PNPLA5: variants seen among roughly 807,000 people sequenced by gnomAD.
PNPLA5 encodes the protein patatin-like phospholipase domain-containing protein 5.
In PNPLA5, 44 loss-of-function variants were observed where a neutral mutation model predicts 49.1. The ratio of observed to expected loss-of-function variants is 0.90; its 90% CI spans 0.70 to 1.15. The LOEUF (loss-of-function observed/expected upper bound fraction) is 1.15, where lower values mean the gene tolerates loss of function less well. PNPLA5 is among the 50% of genes most tolerant of loss of function. The pLI is 0.00. For synonymous variants in PNPLA5, 243 were observed against 244.4 expected (o/e 0.99, Z 0.06); for missense variants, 603 against 564.0 (o/e 1.07, Z -0.70).
chr22:43,887,146 T>C (rs1169996081), intron 5 of PNPLA5, among the ~76,000 whole-genome samples: 1 of 152,098 alleles, frequency 6.6e-6, no homozygotes, highest in East Asian at 1.9e-4. Context: ...CTGTCCCTTC[T>C]CTCTTGTTTT....
chr22:43,880,986 T>C, intron 8 of PNPLA5, 101 bp from the exon 9 acceptor site: 1 of 1,247,812 alleles, frequency 8.0e-7, no homozygotes, highest in Non-Finnish European at 1.0e-6. Flanking sequence ...CAGGTCACTC[T>C]TCCCCCAAAT....
chr22:43,888,503 CG>C lies in PNPLA5; in HGVS notation c.702+825del, dbSNP rs1299582973. 5.0e-5 allele frequency among the ~76,000 whole-genome samples: 7 copies of C among 139,966 alleles called. 1 individual carries two copies. Among genetic ancestry groups the C allele is most frequent in the African/African-American group, 1.6e-4 (6 of 36,800 alleles). 91.8% of individuals were successfully genotyped at this position (139,966 alleles called of 152,430 possible). A position where few individuals can be genotyped will look rare whatever the true frequency, so the allele number is the denominator to read the frequency against. On this transcript the variant is annotated intron_variant, in intron 4 of 8. Transcript: ENST00000216177. ...AGGCTAGAGTGTAATGGCACTATCT[CG>C]GCTCACTGCAATCTCCACCTCCCAG...
chr22:43,885,527 C>A (rs1259018564), intron 6 of PNPLA5, among the ~76,000 whole-genome samples: 2 of 152,044 alleles, frequency 1.3e-5, no homozygotes, highest in African/African-American at 4.8e-5. Context: ...ACAGGGACCT[C>A]CTGGCTGTCC....
At chr22:43,880,968 A>C (rs945010245) in intron 8 of PNPLA5, 83 bp from the exon 9 acceptor site, 1 of 1,263,284 alleles carries the variant, frequency 7.9e-7, no homozygotes, top group Non-Finnish European at 1.0e-6. Context: ...GCGCAGCCAC[A>C]GTGAACCCAG....
In PNPLA5 at chr22:43,885,585, C is replaced by G. The variant is rs147165867; in HGVS notation, c.949+718G>C. Among the ~76,000 whole-genome samples the G allele has an allele frequency of 4.2e-3, 636 of 152,298 alleles. 3 individuals carry two copies. The highest frequency in any genetic ancestry group is 6.8e-3 in the Non-Finnish European group (466 of 68,030). ...CACGTGCCATGCCCTCTCCCCGATG[C>G]TCTTCTGCCTCTTGGCCTGGCCAAC... On this transcript the variant is annotated intron_variant, in intron 6 of 8. Transcript: ENST00000216177.
chr22:43,883,491 C>T (rs767080531), intron 7 of PNPLA5, among the ~76,000 whole-genome samples: 4 of 152,218 alleles, frequency 2.6e-5, no homozygotes, highest in Non-Finnish European at 1.5e-5. Flanking sequence ...TAACCACAGC[C>T]GGCCTGGCTT....
chr22:43,881,432 G>A, intron 8 of PNPLA5, 126 bp downstream of exon 8: 5 of 969,926 alleles, frequency 5.2e-6, no homozygotes, highest in Non-Finnish European at 6.1e-6. Flanking sequence ...GTAGGCCAGA[G>A]GGACGCAGGT....
Position 43,891,771 on chromosome 22 carries a change from C to T in PNPLA5, c.110G>A (p.Arg37His), listed in dbSNP as rs1489640481. Residue 37 changes from arginine (R) to histidine (H), a missense_variant, in exon 1 of 9, where the codon CGC becomes CAC. Physicochemically the swap from Arg to His is conservative, Grantham distance 29. Transcript: ENST00000216177. ...GATGCGGCGGGCGCCCTGGAGGAGG[C>T]GCGGGGCTCGCTGGCGCAGGCATTC... Reference protein sequence around the residue: ...ATECLRQRAPRLLQGARRIYG... With the variant: ...ATECLRQRAPHLLQGARRIYG... The T allele has an allele frequency of 3.9e-6, 6 of 1,532,924 alleles. No homozygotes were observed. The highest frequency in any genetic ancestry group is 5.3e-6 in the Non-Finnish European group (6 of 1,141,724). The allele number at this position is 1,532,924 out of a possible 1,614,324, so 95.0% of individuals were successfully genotyped here. A position where few individuals can be genotyped will look rare whatever the true frequency, so the allele number is the denominator to read the frequency against.
chr22:43,887,569 C>T, intron 5 of PNPLA5, 22 bp downstream of exon 5: 1 of 1,608,042 alleles, frequency 6.2e-7, no homozygotes, highest in South Asian at 1.1e-5. Flanking sequence ...TGATCCCCAG[C>T]CACTGTGGGA....
chr22:43,891,631 G>A (rs2148331623), intron 1 of PNPLA5, 57 bp downstream of exon 1: 1 of 1,480,330 alleles, frequency 6.8e-7, no homozygotes, highest in South Asian at 1.4e-5. Flanking sequence ...CTCTGGGCTC[G>A]ATCCGCTTTC....
chr22:43,884,918 C>T (rs1371195520), intron 6 of PNPLA5, among the ~76,000 whole-genome samples: 1 of 152,210 alleles, frequency 6.6e-6, no homozygotes, highest in Non-Finnish European at 1.5e-5. Flanking sequence ...ACCACGTCCA[C>T]TCTGGCCACT....
chr22:43,887,397 G>A (rs1049501495), intron 5 of PNPLA5, among the ~76,000 whole-genome samples, 194 bp downstream of exon 5: 9 of 152,126 alleles, frequency 5.9e-5, no homozygotes, highest in African/African-American at 1.2e-4. Context: ...ACCAGGCTGC[G>A]GGCTGCTCAA....
Position 43,880,848 on chromosome 22 carries a change from G to T in PNPLA5, c.1237C>A (p.Gln413Lys). 1 of 1,340,672 alleles carries T rather than the reference G, an allele frequency of 7.5e-7. No homozygotes were observed. Among genetic ancestry groups the T allele is most frequent in the Non-Finnish European group, 9.6e-7 (1 of 1,037,990 alleles). 83.0% of individuals were successfully genotyped at this position (1,340,672 alleles called of 1,614,324 possible). A position where few individuals can be genotyped will look rare whatever the true frequency, so the allele number is the denominator to read the frequency against. Residue 413 changes from glutamine to lysine, a missense_variant, in exon 9 of 9, where the codon CAA (glutamine) becomes AAA (lysine). By Grantham distance (53) the Gln-to-Lys change is moderately conservative (BLOSUM62 1). Coordinates refer to ENST00000216177, the MANE Select transcript of PNPLA5 (RefSeq NM_138814.4). The part of the protein sequence containing the change: ...ATRVLETSPL[Q>K]PQIAPHREEL... ...TCTCTATGAGGAGCTATCTGGGGTT[G>T]GAGGGGGCTTGTTTCCAGGACGCGA... is the stretch of plus-strand genomic sequence containing the variant.
chr22:43,879,928 C>T lies in PNPLA5; in HGVS notation c.*867G>A, dbSNP rs1244525948. 6.6e-6 allele frequency: 1 copy of T among 152,642 alleles called. No homozygotes were observed. Among genetic ancestry groups the T allele is most frequent in the Admixed American group, 6.5e-5 (1 of 15,278 alleles). 9.5% of individuals were successfully genotyped at this position (152,642 alleles called of 1,614,324 possible). On this transcript the variant is annotated 3_prime_UTR_variant, in exon 9 of 9. Coordinates refer to ENST00000216177, the MANE Select transcript of PNPLA5 (RefSeq NM_138814.4). Reference sequence around the variant, plus strand: ...GCTGGTCATTTTTCTCTTTAGTTCCCACGTGTATTCCTTTGCTTCCCGTTC... The same window carrying T: ...GCTGGTCATTTTTCTCTTTAGTTCCTACGTGTATTCCTTTGCTTCCCGTTC...
chr22:43,891,590 G>T, intron 1 of PNPLA5, 98 bp downstream of exon 1: 1 of 1,386,964 alleles, frequency 7.2e-7, no homozygotes, highest in Non-Finnish European at 9.6e-7. Context: ...CGGGGGTAGA[G>T]GGCGCAGAGC....
In PNPLA5 at chr22:43,891,671, C is replaced by T. The variant is rs1471143021; in HGVS notation, c.193+17G>A. ...AGCTGTCCCCGCCCCTTTTCGCCCC[C>T]GCGGTCCGGGACTCACCGACCGACT... On this transcript the variant is annotated intron_variant, in intron 1 of 8. Coordinates refer to ENST00000216177, the MANE Select transcript of PNPLA5 (RefSeq NM_138814.4). 2.4e-5 allele frequency: 37 copies of T among 1,528,070 alleles called. No homozygotes were observed. Among genetic ancestry groups the T allele is most frequent in the South Asian group, 7.4e-5 (6 of 80,890 alleles). The allele number at this position is 1,528,070 out of a possible 1,614,324, so 94.7% of individuals were successfully genotyped here.
At position 43,891,046 on chromosome 22, in the gene PNPLA5, AC is replaced by A. The variant is rs751647070; in HGVS notation, c.426+15del. The A allele has an allele frequency of 2.5e-5, 40 of 1,597,638 alleles. No individual in the cohort carries two copies. The highest frequency in any genetic ancestry group is 2.8e-5 in the Non-Finnish European group (33 of 1,173,902). On this transcript the variant is annotated intron_variant, in intron 2 of 8. Transcript: ENST00000216177. ...CCCGCCCACCAGCCAAGCCCTGGGC[AC>A]CCCCCGCCCCACACCTGGATGAGCT...
rs868076692 is a variant in PNPLA5, at chr22:43,880,429, G to A, written c.*366C>T. 2.3e-5 allele frequency: 9 copies of A among 398,634 alleles called. No homozygotes were observed. Among genetic ancestry groups the A allele is most frequent in the Non-Finnish European group, 3.5e-5 (8 of 226,164 alleles). The allele number at this position is 398,634 out of a possible 1,614,324, so 24.7% of individuals were successfully genotyped here. Reference sequence around the variant, plus strand: ...CCTCTGGTCTCTGACGCGGGCATCAGGCACTTTCTCAATCTTCTGTGAGGT... The same window carrying A: ...CCTCTGGTCTCTGACGCGGGCATCAAGCACTTTCTCAATCTTCTGTGAGGT... On this transcript the variant is annotated 3_prime_UTR_variant, in exon 9 of 9. Coordinates refer to ENST00000216177, the MANE Select transcript of PNPLA5 (RefSeq NM_138814.4).
rs770537550 is a variant in PNPLA5, at chr22:43,889,341, G to T, written c.690C>A (p.Pro230=). The stretch of plus-strand genomic sequence containing the variant: ...GGGCCAGACCTACCTCGAGGCTGGG[G>T]GGTATGAGACATATGAGCCCCAGGA... ...NFFLGLICLI[P]PSLEVVADNC... is the part of the protein sequence containing the mutation. Residue 230 remains proline (P), a synonymous_variant, in exon 4 of 9, where the codon CCC becomes CCA. Transcript: ENST00000216177. The T allele has an allele frequency of 6.2e-7, 1 of 1,613,988 alleles. No homozygotes were observed. The highest frequency in any genetic ancestry group is 8.5e-7 in the Non-Finnish European group (1 of 1,180,022).
Sources: gnomAD v4.1 joint callset for allele counts (sites outside exome capture counted in the v4.1 genomes callset) on GRCh38, gnomAD v4.1.1 for gene constraint, MANE v1.5 for transcripts, NCBI Gene and HGNC (gene_info 2026-07-23, HGNC 2026-07-21) for gene names.